Variants in MROH1 observed in about 807,000 individuals in gnomAD.
The protein encoded by MROH1 is maestro heat-like repeat-containing protein family member 1.
Under a neutral mutation model 116.5 loss-of-function variants are expected in MROH1, and 117 were observed. The ratio of observed to expected loss-of-function variants is 1.00; its 90% CI spans 0.86 to 1.17. The LOEUF is 1.17. MROH1 is among the 50% of genes most tolerant of loss of function. The pLI is 0.00. For synonymous variants in MROH1, 921 were observed against 583.9 expected, an observed-to-expected ratio of 1.58 and a Z score of -8.32; for missense variants, 1,873 against 1,338.5, an observed-to-expected ratio of 1.40 and a Z score of -6.23.
intron 14 of MROH1, among the ~76,000 whole-genome samples, chr8:144,236,608 T>C (rs1442405429): frequency 2.0e-5 from 3 of 151,292 alleles, no homozygotes; most frequent in Non-Finnish European, 1.5e-5. Context: ...CCAGGTATGG[T>C]GGTGGGCGCC....
At position 144,247,156 on chromosome 8, in the gene MROH1, C is replaced by T. The variant is rs950298682; in HGVS notation, c.2872-145C>T. 1,000 of 657,478 alleles carry T rather than the reference C, an allele frequency of 1.5e-3. 6 individuals carry two copies. In the African/African-American group the frequency reaches 0.016, roughly 11 times the overall value. The allele number at this position is 657,478 out of a possible 1,614,324, so 40.7% of individuals were successfully genotyped here. A position where few individuals can be genotyped will look rare whatever the true frequency, so the allele number is the denominator to read the frequency against. ...AGGGGAGGGAGGAACTCACTGGGAG[C>T]TGTGTTGGCCACACTGAGGGCCCAG... is the stretch of plus-strand genomic sequence containing the variant. On this transcript the variant is annotated intron_variant, in intron 29 of 43. Transcript: ENST00000326134.
intron 14 of MROH1, among the ~76,000 whole-genome samples, chr8:144,235,459 G>A (rs1839894690): frequency 6.6e-6 from 1 of 152,118 alleles, no homozygotes; most frequent in African/African-American, 2.4e-5. Flanking sequence ...AAGCATTTAG[G>A]CCGGTACCAT....
At chr8:144,190,718 A>G (rs1212827576) in intron 7 of MROH1, 66 bp from the exon 8 acceptor site, 3 of 1,573,304 alleles carry the variant, frequency 1.9e-6, no homozygotes, top group Non-Finnish European at 2.6e-6. Flanking sequence ...CAGGAGGCAG[A>G]CATAGGTGCT....
chr8:144,212,639 G>C (rs1407878307), intron 12 of MROH1, among the ~76,000 whole-genome samples: 3 of 134,108 alleles, frequency 2.2e-5, no homozygotes, highest in African/African-American at 5.6e-5. Context: ...CCCCAGGCTG[G>C]AGTGCAGTGG....
chr8:144,201,858 T>C (rs1428958952), intron 12 of MROH1, among the ~76,000 whole-genome samples: 2 of 151,456 alleles, frequency 1.3e-5, no homozygotes, highest in African/African-American at 4.8e-5. Context: ...ACTAAAAATA[T>C]ATATTAAAAA....
chr8:144,245,365 C>T (rs891282738), intron 29 of MROH1, 105 bp downstream of exon 29: 2 of 713,880 alleles, frequency 2.8e-6, no homozygotes, highest in Non-Finnish European at 5.1e-6. Flanking sequence ...CAGCTCAGGC[C>T]ACAGTCCTCT....
intron 14 of MROH1, among the ~76,000 whole-genome samples, chr8:144,224,628 T>A (rs13248671): frequency 0.41 from 62,649 of 152,104 alleles, 15,358 homozygotes; most frequent in East Asian, 0.72. Context: ...CAGTCTCCAT[T>A]GCTTGATGTG....
In MROH1 at chr8:144,260,248, C is replaced by T. The variant is rs1844767905; in HGVS notation, c.4254C>T (p.Asn1418=). 6.5e-6 allele frequency: 5 copies of T among 766,194 alleles called. No individual in the cohort carries two copies. The highest frequency in any genetic ancestry group is 5.1e-5 in the African/African-American group (3 of 59,214). The allele number at this position is 766,194 out of a possible 1,614,324, so 47.5% of individuals were successfully genotyped here. The change falls in exon 39 of 44, where the codon AAC becomes AAT. Residue 1418 remains asparagine (N), a synonymous_variant. Coordinates refer to ENST00000326134, the MANE Select transcript of MROH1 (RefSeq NM_032450.3). The part of the protein sequence containing the change: ...AMIGGLDDGD[N]PHSPVALEAM... ...TTGGCGGGCTGGACGACGGGGACAA[C>T]CCTCACAGCCCAGTGGCCCTGGAGG...
rs7832801 is a variant in MROH1 at position 144,217,581 on chromosome 8, C to T, written c.1142-3019C>T. Among the ~76,000 whole-genome samples, 1,413 of 152,274 alleles carry T rather than the reference C, an allele frequency of 9.3e-3. 16 individuals are homozygous for T. Among genetic ancestry groups the T allele is most frequent in the African/African-American group, 0.032 (1,341 of 41,564 alleles). On this transcript the variant is annotated intron_variant, in intron 12 of 43. Coordinates refer to ENST00000326134, the MANE Select transcript of MROH1 (RefSeq NM_032450.3). ...TCACTGACTCTCACAGGGACCAAAC[C>T]TTATTGTTGGTTGTTGTTGTTTTTT...
rs374489532 is a variant in MROH1, at chr8:144,187,246, T to TA, written c.563-3531dup. ...GGCATCATAGTGAGACCTCTGTTTC[T>TA]AAAAAAATATAAAATTAGCCAGGTA... On this transcript the variant is annotated intron_variant, in intron 7 of 43. Coordinates refer to ENST00000326134, the MANE Select transcript of MROH1 (RefSeq NM_032450.3). Among the ~76,000 whole-genome samples the TA allele has an allele frequency of 5.9e-3, 902 of 151,994 alleles. 7 individuals are homozygous for TA. Among genetic ancestry groups the TA allele is most frequent in the African/African-American group, 0.016 (659 of 41,434 alleles).
At chr8:144,256,536 G>T (rs1843844193) in intron 35 of MROH1, among the ~76,000 whole-genome samples, 1 of 152,224 alleles carries the variant, frequency 6.6e-6, no homozygotes, top group South Asian at 2.1e-4. Context: ...GCGCTGCTCT[G>T]CCCCTAGCAA....
intron 1 of MROH1, among the ~76,000 whole-genome samples, chr8:144,160,707 A>G (rs1819305198): frequency 6.9e-6 from 1 of 145,440 alleles, no homozygotes; most frequent in Non-Finnish European, 1.5e-5. Context: ...GAAGTCTACC[A>G]AGGGTCCCAC....
Position 144,220,671 on chromosome 8 carries a change from A to C in MROH1, c.1213A>C (p.Lys405Gln), listed in dbSNP as rs1435401615. 6.4e-7 allele frequency: 1 copy of C among 1,570,658 alleles called. No individual in the cohort carries two copies. Among genetic ancestry groups the C allele is most frequent in the African/African-American group, 1.4e-5 (1 of 73,806 alleles). The part of the protein sequence containing the change: ...MRLPLLDTNS[K>Q]VKRAVVQVIS... ...GCTTCCTCTCCTGGACACCAACAGC[A>C]AGGTAAACCACATGGGCCAGCCCAG... Residue 405 changes from lysine to glutamine, a missense_variant and splice_region_variant, in exon 13 of 44, where the codon AAG becomes CAG. Transcript: ENST00000326134.
intron 12 of MROH1, among the ~76,000 whole-genome samples, chr8:144,217,738 G>A (rs1187927660): frequency 2.6e-5 from 4 of 152,214 alleles, no homozygotes; most frequent in African/African-American, 9.6e-5. Context: ...CGAGGAGCTG[G>A]GATGACAAGT....
Position 144,259,921 on chromosome 8 carries a change from G to T in MROH1, c.4055G>T (p.Ser1352Ile). 1 of 739,078 alleles carries T rather than the reference G, an allele frequency of 1.4e-6. No individual in the cohort carries two copies. Among genetic ancestry groups the T allele is most frequent in the Non-Finnish European group, 2.5e-6 (1 of 397,730 alleles). The allele number at this position is 739,078 out of a possible 1,614,324, so 45.8% of individuals were successfully genotyped here. Residue 1352 changes from serine (S) to isoleucine (I), a missense_variant, in exon 38 of 44, where the codon AGC becomes ATC. By Grantham distance (142) the Ser-to-Ile change is moderately radical (BLOSUM62 -2). Coordinates refer to ENST00000326134, the MANE Select transcript of MROH1 (RefSeq NM_032450.3). ...CACCTCTGCCTGCAGCTGCTGAACA[G>T]CAACGTGGCCAACGACCTCATGCTC... ...TTAFLAELLN[S>I]NVANDLMLLD... is the part of the protein sequence containing the mutation.
intron 14 of MROH1, among the ~76,000 whole-genome samples, chr8:144,224,724 G>T (rs2132470806): frequency 6.6e-6 from 1 of 152,300 alleles, no homozygotes; most frequent in South Asian, 2.1e-4. Context: ...AGGACATGTT[G>T]CTCTGAGACA....
At chr8:144,186,859 G>A (rs530402062) in intron 7 of MROH1, among the ~76,000 whole-genome samples, 30 of 152,326 alleles carry the variant, frequency 2.0e-4, no homozygotes, top group African/African-American at 6.7e-4. Context: ...TTGGGAGGCT[G>A]AGGCAGGCGG....
intron 37 of MROH1, 49 bp downstream of exon 37, chr8:144,259,403 T>C (rs1376127016): frequency 2.2e-5 from 16 of 714,014 alleles, no homozygotes; most frequent in Non-Finnish European, 3.1e-5. Flanking sequence ...GGGCTCCTGC[T>C]CAGGACAGGC....
intron 12 of MROH1, among the ~76,000 whole-genome samples, chr8:144,217,940 G>GCGGCC (rs1317270797): frequency 1.6e-4 from 24 of 151,330 alleles, no homozygotes; most frequent in African/African-American, 5.4e-4. Flanking sequence ...GGCTGCGTTA[G>GCGGCC]CAGCCCAGGA....
Sources: gnomAD v4.1 joint callset for allele counts (sites outside exome capture counted in the v4.1 genomes callset) on GRCh38, gnomAD v4.1.1 for gene constraint, MANE v1.5 for transcripts, NCBI Gene and HGNC (gene_info 2026-07-23, HGNC 2026-07-21) for gene names.